The following NCKAP5 variants were observed in gnomAD, a reference collection of about 807,000 sequenced individuals.
The protein encoded by NCKAP5 is NCK associated protein 5.
A neutral mutation model predicts 167.0 loss-of-function variants in NCKAP5; 92 were observed. The observed-to-expected ratio is 0.55, with a 90% CI of 0.47 to 0.66. The LOEUF (loss-of-function observed/expected upper bound fraction) is 0.66, where lower values mean the gene tolerates loss of function less well. Ranked by LOEUF, NCKAP5 falls within the 30% of genes least tolerant of loss-of-function variation. NCKAP5 has a pLI of 0.00. For synonymous variants in NCKAP5, 891 were observed against 877.4 expected (o/e 1.02, Z -0.27); for missense variants, 2,378 against 2,315.0 (o/e 1.03, Z -0.56).
At chr2:132,869,016 A>G (rs902259898) in intron 9 of NCKAP5, 42 bp from the exon 10 acceptor site, 13 of 1,385,364 alleles carry the variant, frequency 9.4e-6, no homozygotes, top group Middle Eastern at 1.8e-4. Context: ...TAATAATGAG[A>G]CTTTATATGC....
chr2:133,548,451 G>A (rs979695983), intron 2 of NCKAP5, among the ~76,000 whole-genome samples: 1 of 150,710 alleles, frequency 6.6e-6, no homozygotes, highest in South Asian at 2.1e-4. Flanking sequence ...TTGAAATGAA[G>A]GAAAAAATGT....
chr2:133,459,452 G>T (rs1692068931), intron 3 of NCKAP5, among the ~76,000 whole-genome samples: 1 of 152,132 alleles, frequency 6.6e-6, no homozygotes, highest in Admixed American at 6.6e-5. Flanking sequence ...TATCAGAGGA[G>T]GCTCATTTAG....
chr2:133,195,657 A>G (rs540461289), intron 5 of NCKAP5, among the ~76,000 whole-genome samples: 1 of 152,318 alleles, frequency 6.6e-6, no homozygotes, highest in Non-Finnish European at 1.5e-5. Flanking sequence ...GGATCTTTGG[A>G]ATATCATGAA....
intron 4 of NCKAP5, among the ~76,000 whole-genome samples, chr2:133,273,691 A>G (rs1302393679): frequency 6.6e-6 from 1 of 152,020 alleles, no homozygotes; most frequent in Non-Finnish European, 1.5e-5. Context: ...CAGTGTGGAA[A>G]ATTATAACAG....
At chr2:133,674,344 A>AT in the NCKAP5 span, among the ~76,000 whole-genome samples, 1 of 152,220 alleles carries the variant, frequency 6.6e-6, no homozygotes, top group Non-Finnish European at 1.5e-5. Context: ...CATGTACATC[A>AT]TAACTGTTGG....
chr2:132,763,745 C>T (rs186545343), intron 16 of NCKAP5, among the ~76,000 whole-genome samples: 10 of 152,340 alleles, frequency 6.6e-5, no homozygotes, highest in Admixed American at 3.9e-4. Flanking sequence ...TGCTCTGTGC[C>T]ATCAGATGTA....
At chr2:133,005,211 T>C (rs557464619) in intron 6 of NCKAP5, among the ~76,000 whole-genome samples, 29 of 152,318 alleles carry the variant, frequency 1.9e-4, no homozygotes, top group African/African-American at 6.7e-4. Context: ...AGAGTATTGA[T>C]TGGGGAAGTG....
chr2:133,614,137 C>T, the NCKAP5 span, among the ~76,000 whole-genome samples: 1 of 152,112 alleles, frequency 6.6e-6, no homozygotes, highest in Non-Finnish European at 1.5e-5. Flanking sequence ...ACTGGGTCAC[C>T]ATTACAGGCT....
intron 18 of NCKAP5, among the ~76,000 whole-genome samples, chr2:132,727,588 CT>C (rs1690586761): frequency 1.3e-5 from 2 of 152,224 alleles, no homozygotes; most frequent in African/African-American, 4.8e-5. Flanking sequence ...TTGGGAGGCA[CT>C]GATCTGGAGG....
intron 3 of NCKAP5, among the ~76,000 whole-genome samples, chr2:133,324,449 C>T (rs754818519): frequency 1.2e-4 from 19 of 152,308 alleles, no homozygotes; most frequent in Non-Finnish European, 2.6e-4. Flanking sequence ...CTGAGTCAGA[C>T]AGAATAGCCG....
chr2:133,235,964 G>A (rs2087393479), intron 4 of NCKAP5, among the ~76,000 whole-genome samples: 2 of 150,046 alleles, frequency 1.3e-5, no homozygotes, highest in South Asian at 2.1e-4. Flanking sequence ...TTACTCTATA[G>A]GCTGAGGCTG....
At chr2:133,538,581 G>A (rs1022627184) in intron 2 of NCKAP5, among the ~76,000 whole-genome samples, 5 of 152,026 alleles carry the variant, frequency 3.3e-5, no homozygotes, top group Admixed American at 6.5e-5. Flanking sequence ...GAAGGAAAAG[G>A]ACACCGAAGT....
At chr2:132,861,127 G>C (rs1173398965) in intron 10 of NCKAP5, among the ~76,000 whole-genome samples, 1 of 152,104 alleles carries the variant, frequency 6.6e-6, no homozygotes, top group South Asian at 2.1e-4. Flanking sequence ...AAATAGCTCC[G>C]AAGAGATGGC....
chr2:133,270,008 C>T (rs2089436141), intron 4 of NCKAP5, among the ~76,000 whole-genome samples: 1 of 152,150 alleles, frequency 6.6e-6, no homozygotes, highest in South Asian at 2.1e-4. Context: ...ATGAGAAAGA[C>T]TATGGGTGGA....
chr2:133,621,764 A>C, the NCKAP5 span, among the ~76,000 whole-genome samples: 12 of 152,316 alleles, frequency 7.9e-5, no homozygotes, highest in East Asian at 1.5e-3. Context: ...GAAAGAGAGA[A>C]TCCTCCCTAA....
At chr2:133,121,877 A>T (rs2082262301) in intron 6 of NCKAP5, 1 of 152,258 alleles carries the variant, frequency 6.6e-6, no homozygotes, top group Admixed American at 6.5e-5. Flanking sequence ...GTATATCTAC[A>T]TAACAGAATA....
chr2:133,516,219 G>A (rs1265010510), intron 3 of NCKAP5, among the ~76,000 whole-genome samples: 1 of 152,090 alleles, frequency 6.6e-6, no homozygotes, highest in Non-Finnish European at 1.5e-5. Flanking sequence ...TTTATCCCAG[G>A]TTTCCCCAGA....
chr2:133,004,824 C>T (rs998328398), intron 6 of NCKAP5, among the ~76,000 whole-genome samples: 5 of 152,210 alleles, frequency 3.3e-5, no homozygotes, highest in Non-Finnish European at 7.3e-5. Flanking sequence ...TTATCTTCAA[C>T]CGCATAAGAG....
chr2:132,925,561 CAAAAAAA>C (rs575777951), intron 8 of NCKAP5, among the ~76,000 whole-genome samples: 11 of 53,592 alleles, frequency 2.1e-4, no homozygotes, highest in South Asian at 7.4e-4. Context: ...GACTCCGTCT[CAAAAAAA>C]AAAAAAAAAA....
Sources: gnomAD v4.1 joint callset for allele counts (sites outside exome capture counted in the v4.1 genomes callset) on GRCh38, gnomAD v4.1.1 for gene constraint, MANE v1.5 for transcripts, NCBI Gene and HGNC (gene_info 2026-07-23, HGNC 2026-07-21) for gene names.